Variants in MSRA observed in about 807,000 individuals in gnomAD.
MSRA encodes mitochondrial peptide methionine sulfoxide reductase.
In MSRA, 54 loss-of-function variants were observed where a neutral mutation model predicts 31.3. That is an observed-to-expected ratio of 1.73 (90% CI 1.39 to 2.17). The LOEUF (loss-of-function observed/expected upper bound fraction) is 2.17, where lower values mean the gene tolerates loss of function less well. Ranked by LOEUF, MSRA falls within the 30% of genes most tolerant of loss-of-function variation. The pLI, the probability that MSRA is intolerant of heterozygous loss-of-function variation, is 0.00. For missense variants in MSRA, 507 were observed against 300.9 expected, an observed-to-expected ratio of 1.69 and a Z score of -5.07; for synonymous variants, 169 against 116.5, an observed-to-expected ratio of 1.45 and a Z score of -2.90.
intron 5 of MSRA, among the ~76,000 whole-genome samples, chr8:10,415,031 G>C (rs1300641890): frequency 6.6e-6 from 1 of 152,204 alleles, no homozygotes; most frequent in African/African-American, 2.4e-5. Flanking sequence ...CCCAAATCAA[G>C]AGGAAGCAGC....
chr8:10,243,286 C>G (rs1320419185), intron 2 of MSRA, among the ~76,000 whole-genome samples: 3 of 152,164 alleles, frequency 2.0e-5, no homozygotes, highest in Non-Finnish European at 4.4e-5. Context: ...CTGCCTGGTG[C>G]TCTGCACAGA....
chr8:10,064,193 T>G (rs1341616690), intron 1 of MSRA, among the ~76,000 whole-genome samples: 1 of 152,300 alleles, frequency 6.6e-6, no homozygotes, highest in South Asian at 2.1e-4. Context: ...CTCCTGGATA[T>G]CCTATCAAAA....
intron 5 of MSRA, among the ~76,000 whole-genome samples, chr8:10,338,809 C>T (rs1192936311): frequency 2.0e-5 from 3 of 152,132 alleles, no homozygotes; most frequent in Admixed American, 6.6e-5. Flanking sequence ...AAATAATTTC[C>T]TAACCTGCAA....
intron 2 of MSRA, among the ~76,000 whole-genome samples, chr8:10,235,896 G>T (rs1413597545): frequency 6.6e-6 from 1 of 152,090 alleles, no homozygotes; most frequent in East Asian, 1.9e-4. Flanking sequence ...GAACGTAAAT[G>T]ACAAAATCTG....
At chr8:10,224,353 A>G (rs1810801048) in intron 2 of MSRA, among the ~76,000 whole-genome samples, 1 of 152,180 alleles carries the variant, frequency 6.6e-6, no homozygotes. Flanking sequence ...GTGTGAGACA[A>G]GATTTGAAGA....
intron 1 of MSRA, among the ~76,000 whole-genome samples, chr8:10,065,588 T>A (rs1162128935): frequency 6.6e-6 from 1 of 152,214 alleles, no homozygotes; most frequent in Non-Finnish European, 1.5e-5. Flanking sequence ...GTGTAAGATA[T>A]GAACCAAAGG....
chr8:10,180,896 A>G (rs1172419775), intron 1 of MSRA, among the ~76,000 whole-genome samples: 1 of 152,218 alleles, frequency 6.6e-6, no homozygotes, highest in Non-Finnish European at 1.5e-5. Context: ...AAATGTTGCC[A>G]CATTTTTGAA....
rs150121712 is a variant in MSRA, at chr8:10,424,897, G to T, written c.544-3251G>T. The stretch of plus-strand genomic sequence containing the variant: ...TGTCACTTGTGCCGCACACAGCGGG[G>T]CCCACCCCGGGGGACAGCGAAGGAG... On this transcript the variant is annotated intron_variant, in intron 5 of 5. Transcript: ENST00000317173. 2.3e-3 allele frequency among the ~76,000 whole-genome samples: 358 copies of T among 152,348 alleles called. 5 individuals are homozygous for T. The highest frequency in any genetic ancestry group is 0.015 in the East Asian group (77 of 5,166).
chr8:10,234,542 A>C (rs79034144), intron 2 of MSRA, among the ~76,000 whole-genome samples: 1 of 152,258 alleles, frequency 6.6e-6, no homozygotes, highest in African/African-American at 2.4e-5. Context: ...GGGAAAAGAA[A>C]TTAAAGGAAG....
chr8:10,347,118 G>C (rs4840479), intron 5 of MSRA, among the ~76,000 whole-genome samples: 8 of 152,006 alleles, frequency 5.3e-5, no homozygotes, highest in African/African-American at 1.9e-4. Context: ...AGTCATTACT[G>C]GTTCGTTTTC....
At chr8:10,181,016 C>T (rs983760896) in intron 1 of MSRA, among the ~76,000 whole-genome samples, 1 of 152,184 alleles carries the variant, frequency 6.6e-6, no homozygotes, top group African/African-American at 2.4e-5. Context: ...CTATCAAATC[C>T]ACCGTTAACC....
At chr8:10,081,829 C>T (rs192308297) in intron 1 of MSRA, among the ~76,000 whole-genome samples, 3 of 152,252 alleles carry the variant, frequency 2.0e-5, no homozygotes, top group East Asian at 1.9e-4. Context: ...TACCCAGATT[C>T]GAAGCGGGGA....
At chr8:10,208,029 C>A (rs1271997788) in intron 2 of MSRA, 128 bp downstream of exon 2, 6 of 635,188 alleles carry the variant, frequency 9.4e-6, no homozygotes, top group South Asian at 2.5e-5. Context: ...GTTGTTACAG[C>A]CAAGAAAACT....
At chr8:10,148,276 A>C (rs1803336803) in intron 1 of MSRA, among the ~76,000 whole-genome samples, 1 of 152,100 alleles carries the variant, frequency 6.6e-6, no homozygotes, top group Non-Finnish European at 1.5e-5. Flanking sequence ...ACCCTGCTTT[A>C]ATTTTTAGAT....
chr8:10,285,798 CTATGTTATCTT>C (rs1372316234), intron 3 of MSRA, among the ~76,000 whole-genome samples: 1 of 152,036 alleles, frequency 6.6e-6, no homozygotes, highest in Non-Finnish European at 1.5e-5. Context: ...CTAAGCTTAT[CTATGTTATCTT>C]AAATGACAGT....
At chr8:10,055,817 GTAGAGGTTTT>G (rs1802329042) in intron 1 of MSRA, among the ~76,000 whole-genome samples, 1 of 152,188 alleles carries the variant, frequency 6.6e-6, no homozygotes, top group African/African-American at 2.4e-5. Flanking sequence ...ATTAGAAAAG[GTAGAGGTTTT>G]TTGGATTAGA....
intron 3 of MSRA, among the ~76,000 whole-genome samples, chr8:10,254,451 A>G (rs1266490547): frequency 1.3e-5 from 2 of 152,206 alleles, no homozygotes; most frequent in East Asian, 3.8e-4. Context: ...TTAGCACATA[A>G]TACCCATCTT....
Position 10,384,925 on chromosome 8 carries a change from C to T in MSRA, c.544-43223C>T, listed in dbSNP as rs554258312. Among the ~76,000 whole-genome samples, 27 of 151,856 alleles carry T rather than the reference C, an allele frequency of 1.8e-4. No individual in the cohort carries two copies. The South Asian group carries it at 3.9e-3, about 22-fold the overall frequency. The stretch of plus-strand genomic sequence containing the variant: ...GCTGAGCCAGAAGGATCACTTGAGC[C>T]GAGGAGGTTGAGGCTACAGTAAGCC... On this transcript the variant is annotated intron_variant, in intron 5 of 5. Transcript: ENST00000317173.
intron 1 of MSRA, among the ~76,000 whole-genome samples, 193 bp downstream of exon 1, chr8:10,054,851 G>T (rs1161523723): frequency 3.3e-5 from 5 of 152,182 alleles, no homozygotes; most frequent in African/African-American, 1.2e-4. Flanking sequence ...ACGTCCCTTT[G>T]TCTTTGTTTG....
Sources: allele counts gnomAD v4.1 joint callset (sites outside exome capture counted in the v4.1 genomes callset), GRCh38; gene constraint gnomAD v4.1.1; transcripts MANE v1.5; gene names NCBI Gene and HGNC (gene_info 2026-07-23, HGNC 2026-07-21).